The following LMBR1 variants were observed in gnomAD, a reference collection of about 807,000 sequenced individuals.
The protein encoded by LMBR1 is limb development membrane protein 1.
A neutral mutation model predicts 73.9 loss-of-function variants in LMBR1; 52 were observed. That is an observed-to-expected ratio of 0.70 (90% CI 0.56 to 0.89). The LOEUF (loss-of-function observed/expected upper bound fraction) is 0.89. LMBR1 is among the 40% of genes least tolerant of loss of function. The pLI is 0.00. For synonymous variants in LMBR1, 215 were observed against 209.4 expected (o/e 1.03, Z -0.23); for missense variants, 539 against 579.8 (o/e 0.93, Z 0.72).
chr7:156,734,805 T>TA (rs1817546976), intron 9 of LMBR1, among the ~76,000 whole-genome samples: 1 of 152,204 alleles, frequency 6.6e-6, no homozygotes, highest in Non-Finnish European at 1.5e-5. Flanking sequence ...CTCACCTCCT[T>TA]AAAATGACAA....
intron 8 of LMBR1, among the ~76,000 whole-genome samples, chr7:156,759,173 C>T (rs185618596): frequency 2.0e-5 from 3 of 152,306 alleles, no homozygotes; most frequent in East Asian, 1.9e-4. Context: ...AAAAATTATT[C>T]CCAGATGGGG....
At chr7:156,838,073 C>A (rs1366797172) in intron 1 of LMBR1, among the ~76,000 whole-genome samples, 6 of 152,070 alleles carry the variant, frequency 3.9e-5, no homozygotes, top group Non-Finnish European at 8.8e-5. Flanking sequence ...CAGGCATGGG[C>A]CACTGCAACC....
intron 10 of LMBR1, among the ~76,000 whole-genome samples, chr7:156,732,816 A>C (rs1817105437): frequency 6.6e-6 from 1 of 152,208 alleles, no homozygotes; most frequent in Non-Finnish European, 1.5e-5. Context: ...AAGTAACTTA[A>C]CTACATTTCA....
At chr7:156,885,508 G>A (rs1343645847) in intron 1 of LMBR1, among the ~76,000 whole-genome samples, 2 of 151,778 alleles carry the variant, frequency 1.3e-5, no homozygotes, top group Non-Finnish European at 2.9e-5. Flanking sequence ...CTAGCACTTT[G>A]GGAAGCTGAG....
chr7:156,712,942 G>A (rs946151369), intron 15 of LMBR1, among the ~76,000 whole-genome samples: 11 of 152,236 alleles, frequency 7.2e-5, no homozygotes, highest in African/African-American at 2.4e-4. Flanking sequence ...CACCCTACAA[G>A]CCCTGACTAC....
chr7:156,852,326 T>C (rs112805311), intron 1 of LMBR1, among the ~76,000 whole-genome samples: 4 of 152,140 alleles, frequency 2.6e-5, no homozygotes, highest in African/African-American at 9.7e-5. Flanking sequence ...AGCCAACAAA[T>C]ATTACCAAGC....
intron 1 of LMBR1, among the ~76,000 whole-genome samples, chr7:156,847,192 C>T (rs1194900257): frequency 8.5e-5 from 13 of 152,132 alleles, no homozygotes; most frequent in Non-Finnish European, 1.8e-4. Flanking sequence ...GAAAGGATCA[C>T]CTTTTCAACA....
At chr7:156,775,817 A>G (rs1826027455) in intron 5 of LMBR1, among the ~76,000 whole-genome samples, 1 of 151,936 alleles carries the variant, frequency 6.6e-6, no homozygotes, top group South Asian at 2.1e-4. Flanking sequence ...GAACCCAAAA[A>G]AGCTTTTAAA....
chr7:156,805,320 G>A (rs1342799652), intron 4 of LMBR1, among the ~76,000 whole-genome samples: 1 of 150,984 alleles, frequency 6.6e-6, no homozygotes, highest in African/African-American at 2.4e-5. Flanking sequence ...AGGTTCAAGC[G>A]ATTCTCCTGC....
chr7:156,725,385 T>G (rs1259990308), intron 14 of LMBR1, 50 bp downstream of exon 14: 1 of 1,065,364 alleles, frequency 9.4e-7, no homozygotes, highest in Non-Finnish European at 1.4e-6. Context: ...TAAAGCAGTC[T>G]GTCAGGGAAG....
intron 15 of LMBR1, among the ~76,000 whole-genome samples, chr7:156,696,290 G>C (rs1808270143): frequency 6.6e-6 from 1 of 152,144 alleles, no homozygotes; most frequent in South Asian, 2.1e-4. Flanking sequence ...CTAAATGGAA[G>C]AAATATTTAC....
At chr7:156,754,361 T>A (rs571139400) in intron 9 of LMBR1, among the ~76,000 whole-genome samples, 11 of 152,104 alleles carry the variant, frequency 7.2e-5, no homozygotes, top group Middle Eastern at 3.4e-3. Flanking sequence ...CGTTACTTTT[T>A]AAAAAAAATA....
intron 5 of LMBR1, among the ~76,000 whole-genome samples, chr7:156,788,979 T>C (rs1828691113): frequency 6.6e-6 from 1 of 152,110 alleles, no homozygotes. Context: ...ACCCGGGAGA[T>C]GGAGGTGCAG....
chr7:156,864,800 A>C (rs1222267739), intron 1 of LMBR1, among the ~76,000 whole-genome samples: 1 of 152,146 alleles, frequency 6.6e-6, no homozygotes, highest in East Asian at 1.9e-4. Flanking sequence ...GTTCGAGACC[A>C]GCCTGACCAA....
chr7:156,822,751 A>G (rs1834999061), intron 4 of LMBR1: 2 of 152,208 alleles, frequency 1.3e-5, no homozygotes, highest in African/African-American at 4.8e-5. Context: ...GTTCAAACAA[A>G]GAGATCATAA....
intron 5 of LMBR1, among the ~76,000 whole-genome samples, chr7:156,777,446 C>T (rs1826354849): frequency 6.6e-6 from 1 of 152,178 alleles, no homozygotes; most frequent in African/African-American, 2.4e-5. Flanking sequence ...AATCCCTTTT[C>T]TCCTGTGGCC....
intron 15 of LMBR1, among the ~76,000 whole-genome samples, chr7:156,708,880 C>T (rs187756518): frequency 4.8e-4 from 73 of 152,180 alleles, no homozygotes; most frequent in African/African-American, 1.4e-3. Context: ...CTGGATGAGG[C>T]CTTTCACTAC....
At chr7:156,863,875 C>T (rs1026271005) in intron 1 of LMBR1, among the ~76,000 whole-genome samples, 4 of 152,066 alleles carry the variant, frequency 2.6e-5, no homozygotes, top group East Asian at 1.9e-4. Context: ...GAAGACCAGG[C>T]GTGGTAGCTC....
chr7:156,720,166 G>A (rs1011655293), intron 15 of LMBR1, among the ~76,000 whole-genome samples: 2 of 151,446 alleles, frequency 1.3e-5, no homozygotes, highest in Non-Finnish European at 2.9e-5. Flanking sequence ...GAGTGAACAG[G>A]CAACCTACAA....
Sources: gnomAD v4.1 joint callset for allele counts (sites outside exome capture counted in the v4.1 genomes callset) on GRCh38, gnomAD v4.1.1 for gene constraint, MANE v1.5 for transcripts, NCBI Gene and HGNC (gene_info 2026-07-23, HGNC 2026-07-21) for gene names.